Variants in NAV2 observed in about 807,000 individuals in gnomAD.
NAV2 encodes neuron navigator 2.
Under a neutral mutation model 223.2 loss-of-function variants are expected in NAV2, and 54 were observed. That is an observed-to-expected ratio of 0.24 (90% CI 0.19 to 0.30). The LOEUF is 0.30. Ranked by LOEUF, NAV2 falls within the 10% of genes least tolerant of loss-of-function variation. The pLI, the probability that NAV2 is intolerant of heterozygous loss-of-function variation, is 1.00. For missense variants in NAV2, 2,806 were observed against 3,147.5 expected (o/e 0.89, Z 2.60); for synonymous variants, 1,279 against 1,239.3 (o/e 1.03, Z -0.67).
chr11:19,697,165 C>G (rs555912555), intron 1 of NAV2, among the ~76,000 whole-genome samples: 1 of 152,288 alleles, frequency 6.6e-6, no homozygotes, highest in South Asian at 2.1e-4. Context: ...TCCTAGCAAA[C>G]TAACGTAAGA....
intron 6 of NAV2, among the ~76,000 whole-genome samples, chr11:19,895,363 C>T (rs1239126120): frequency 6.6e-6 from 1 of 152,118 alleles, no homozygotes; most frequent in Non-Finnish European, 1.5e-5. Flanking sequence ...AGGTGTGAGC[C>T]ACTGCGCCTG....
intron 1 of NAV2, among the ~76,000 whole-genome samples, chr11:19,742,286 T>C (rs2052910668): frequency 6.6e-6 from 1 of 152,234 alleles, no homozygotes; most frequent in East Asian, 1.9e-4. Context: ...TTAACCTCTT[T>C]CAGTCTCAAT....
At chr11:19,842,148 G>A (rs1433945484) in intron 2 of NAV2, among the ~76,000 whole-genome samples, 1 of 152,162 alleles carries the variant, frequency 6.6e-6, no homozygotes, top group Non-Finnish European at 1.5e-5. Flanking sequence ...TTATGCCAGG[G>A]ACTCCTCCAT....
intron 6 of NAV2, among the ~76,000 whole-genome samples, chr11:19,894,029 A>G (rs991052499): frequency 3.3e-5 from 5 of 152,212 alleles, no homozygotes; most frequent in Non-Finnish European, 5.9e-5. Context: ...ATGTGTATGT[A>G]TATATGTATT....
chr11:19,817,717 A>G (rs1409853795), intron 1 of NAV2, among the ~76,000 whole-genome samples: 1 of 152,078 alleles, frequency 6.6e-6, no homozygotes, highest in Non-Finnish European at 1.5e-5. Context: ...CAAAGGGAAA[A>G]CTTGAGCTCA....
chr11:19,544,680 G>T (rs111410478), intron 1 of NAV2, among the ~76,000 whole-genome samples: 1,908 of 152,232 alleles, frequency 0.013, 33 homozygotes, highest in South Asian at 0.049. Flanking sequence ...TGCTTACCTG[G>T]CCACCTTATC....
At chr11:19,968,472 G>A (rs915532711) in intron 10 of NAV2, among the ~76,000 whole-genome samples, 3 of 152,032 alleles carry the variant, frequency 2.0e-5, no homozygotes, top group Admixed American at 6.6e-5. Context: ...CACCCACCTC[G>A]GCCTCCCAGA....
At chr11:19,350,457 C>T (rs1231743574), upstream of NAV2, among the ~76,000 whole-genome samples, 7 of 152,202 alleles carry the variant, frequency 4.6e-5, no homozygotes, top group Admixed American at 3.3e-4. Context: ...CCATGAGGGG[C>T]GGCTTTCCGC....
chr11:19,816,255 C>T (rs988621418), intron 1 of NAV2, among the ~76,000 whole-genome samples: 3 of 152,224 alleles, frequency 2.0e-5, no homozygotes, highest in Non-Finnish European at 4.4e-5. Flanking sequence ...AGCAGGCAAG[C>T]GCATTCCTAG....
rs182510486 is a variant in NAV2, at chr11:19,558,822, C to T, written c.75+207795C>T. Among the ~76,000 whole-genome samples the T allele has an allele frequency of 7.4e-3, 1,121 of 152,276 alleles. 10 individuals carry two copies. The highest frequency in any genetic ancestry group is 0.034 in the Middle Eastern group (10 of 294). Reference sequence around the variant, plus strand: ...TGTCTGTGTTGGCCATCCCTGGATTCCCTGTCTCGGAACACACATTCAAGT... The same window carrying T: ...TGTCTGTGTTGGCCATCCCTGGATTTCCTGTCTCGGAACACACATTCAAGT... On this transcript the variant is annotated intron_variant, in intron 1 of 37. Coordinates refer to the NAV2 transcript ENST00000360655.
intron 36 of NAV2, among the ~76,000 whole-genome samples, chr11:20,111,037 C>A (rs916139942): frequency 1.3e-5 from 2 of 152,152 alleles, no homozygotes; most frequent in African/African-American, 4.8e-5. Context: ...CAGGTACACC[C>A]GTGCCAGGAG....
chr11:19,386,887 C>T (rs930014041), intron 1 of NAV2, among the ~76,000 whole-genome samples: 1 of 151,960 alleles, frequency 6.6e-6, no homozygotes, highest in African/African-American at 2.4e-5. Context: ...GGAGGTGACA[C>T]CCACTCAATG....
chr11:19,994,188 T>C (rs2051630435), intron 11 of NAV2, among the ~76,000 whole-genome samples: 1 of 152,250 alleles, frequency 6.6e-6, no homozygotes, highest in Admixed American at 6.5e-5. Context: ...CCAATAGTCC[T>C]GCTTATCTCA....
At chr11:19,533,027 T>G (rs1346219003) in intron 1 of NAV2, among the ~76,000 whole-genome samples, 9 of 152,156 alleles carry the variant, frequency 5.9e-5, no homozygotes, top group Non-Finnish European at 1.3e-4. Flanking sequence ...TGGGATTCCT[T>G]TGGTCAGGTT....
chr11:20,053,444 T>TTGTAGA (rs1259201450), intron 17 of NAV2, among the ~76,000 whole-genome samples: 1 of 152,156 alleles, frequency 6.6e-6, no homozygotes, highest in African/African-American at 2.4e-5. Flanking sequence ...ACCTAGCACA[T>TTGTAGA]TGCAGATGTT....
intron 18 of NAV2, 73 bp from the exon 19 acceptor site, chr11:20,055,696 C>A: frequency 7.2e-7 from 1 of 1,381,632 alleles, no homozygotes; most frequent in Non-Finnish European, 1.0e-6. Context: ...AAGCAGTCTT[C>A]TCTTTGTCCC....
At chr11:19,717,132 T>G (rs2050372200) in intron 1 of NAV2, among the ~76,000 whole-genome samples, 1 of 152,240 alleles carries the variant, frequency 6.6e-6, no homozygotes, top group Non-Finnish European at 1.5e-5. Flanking sequence ...TACAGCCACT[T>G]GCTCTCGGTC....
At chr11:20,051,045 G>A (rs1816698903) in intron 16 of NAV2, among the ~76,000 whole-genome samples, 2 of 152,208 alleles carry the variant, frequency 1.3e-5, no homozygotes, top group African/African-American at 4.8e-5. Context: ...TTGGGGTTAA[G>A]GGACTCAGGC....
At chr11:20,088,798 G>T (rs1361834941) in intron 26 of NAV2, among the ~76,000 whole-genome samples, 1 of 152,192 alleles carries the variant, frequency 6.6e-6, no homozygotes, top group Non-Finnish European at 1.5e-5. Flanking sequence ...GTGCTGGACA[G>T]ACGAGCCTCA....
Sources: allele counts gnomAD v4.1 joint callset (sites outside exome capture counted in the v4.1 genomes callset), GRCh38; gene constraint gnomAD v4.1.1; transcripts MANE v1.5; gene names NCBI Gene and HGNC (gene_info 2026-07-23, HGNC 2026-07-21).